Variants in PARP16 observed in about 807,000 individuals in gnomAD.
The protein encoded by PARP16 is poly(ADP-ribose) polymerase family member 16.
In PARP16, 31 loss-of-function variants were observed where a neutral mutation model predicts 35.0. The observed-to-expected ratio is 0.88, with a 90% CI of 0.66 to 1.19. The LOEUF is 1.19. Among genes scored for constraint, PARP16 ranks in the 50% most tolerant of loss-of-function variants. The pLI, the probability that PARP16 is intolerant of heterozygous loss-of-function variation, is 0.00. For missense variants in PARP16, 424 were observed against 411.2 expected, an observed-to-expected ratio of 1.03 and a Z score of -0.27; for synonymous variants, 162 against 169.5, an observed-to-expected ratio of 0.96 and a Z score of 0.34.
chr15:65,239,382 C>A (rs1396601348), intron 3 of PARP16, among the ~76,000 whole-genome samples: 1 of 129,458 alleles, frequency 7.7e-6, no homozygotes, highest in Non-Finnish European at 1.6e-5. Context: ...AGCTGAGATC[C>A]CACCACTGCA....
intron 2 of PARP16, chr15:65,248,348 GCTCA>G (rs1354566018): frequency 8.9e-6 from 4 of 451,008 alleles, no homozygotes; most frequent in Non-Finnish European, 1.8e-5. Context: ...GCTTTCAGAG[GCTCA>G]CTGACATATT....
At position 65,271,130 on chromosome 15, in the gene PARP16, G is replaced by A. The variant is rs868558149; in HGVS notation, c.175-58C>T. Reference sequence around the variant, plus strand: ...ATCCCGGACACAGTGATAATCAGGGGCCCTCTAGTGGGAAGGCAGGCAACG... The same window carrying A: ...ATCCCGGACACAGTGATAATCAGGGACCCTCTAGTGGGAAGGCAGGCAACG... On this transcript the variant is annotated intron_variant, in intron 1 of 5. Transcript: ENST00000649807. 5.7e-6 allele frequency: 9 copies of A among 1,575,324 alleles called. 1 individual carries two copies. In the African/African-American group the frequency reaches 1.1e-4, roughly 19 times the overall value.
rs769656995 is a variant in PARP16 at position 65,286,305 on chromosome 15, C to T, written c.122G>A (p.Arg41Gln). 5 of 1,602,994 alleles carry T rather than the reference C, an allele frequency of 3.1e-6. No homozygotes were observed. Residue 41 changes from arginine to glutamine, a missense_variant, in exon 1 of 6, where the codon CGG becomes CAG. Arg to Gln is a conservative substitution (Grantham distance 43, BLOSUM62 1). Transcript: ENST00000649807. Reference protein sequence around the residue: ...LQSYKRDSVLRPFPASYARGD... With the variant: ...LQSYKRDSVLQPFPASYARGD... ...GCGGGCGTAGGACGCGGGGAAGGGCCGCAGCACCGAGTCGCGCTTGTAGCT... is the reference window on the plus strand; with the variant it reads ...GCGGGCGTAGGACGCGGGGAAGGGCTGCAGCACCGAGTCGCGCTTGTAGCT...
chr15:65,263,117 G>A (rs1165127367), intron 4 of PARP16, 32 bp downstream of exon 4: 2 of 1,602,372 alleles, frequency 1.2e-6, no homozygotes, highest in Admixed American at 1.7e-5. Context: ...ACAGAGGCCT[G>A]TAGCCCAGGT....
chr15:65,286,391 C>G lies in PARP16; in HGVS notation c.36G>C (p.Ala12=). 6.4e-7 allele frequency: 1 copy of G among 1,555,916 alleles called. No individual in the cohort carries two copies. Among genetic ancestry groups the G allele is most frequent in the Non-Finnish European group, 8.7e-7 (1 of 1,154,800 alleles). ...CGGCGGCCAGCATGTCGCGGCCCGCCGCCTCCCTGGCGGCCGCCCAGCCTG... is the reference window on the plus strand; with the variant it reads ...CGGCGGCCAGCATGTCGCGGCCCGCGGCCTCCCTGGCGGCCGCCCAGCCTG... ...QPSGWAAARE[A]AGRDMLAADL... is the part of the protein sequence containing the mutation. Residue 12 remains alanine, a synonymous_variant, in exon 1 of 6, where the codon GCG becomes GCC. Transcript: ENST00000649807.
At chr15:65,252,180 G>A (rs2089380070) in intron 2 of PARP16, among the ~76,000 whole-genome samples, 1 of 152,174 alleles carries the variant, frequency 6.6e-6, no homozygotes, top group South Asian at 2.1e-4. Flanking sequence ...CAGTCAGTCA[G>A]CTTCCCAAGA....
rs775868554 is a variant in PARP16 at position 65,263,328 on chromosome 15, A to G, written c.520-8T>C. 6.4e-7 allele frequency: 1 copy of G among 1,564,514 alleles called. No individual in the cohort carries two copies. Among genetic ancestry groups the G allele is most frequent in the Non-Finnish European group, 8.7e-7 (1 of 1,155,176 alleles). On this transcript the variant is annotated splice_polypyrimidine_tract_variant and splice_region_variant and intron_variant, in intron 3 of 5. Coordinates refer to ENST00000649807, the MANE Select transcript of PARP16 (RefSeq NM_001316943.2). ...CTCTCCGAACAAGGATGTCTGCAACAGCAAGGCCAATGGAAAAGAAACACA... is the reference window on the plus strand; with the variant it reads ...CTCTCCGAACAAGGATGTCTGCAACGGCAAGGCCAATGGAAAAGAAACACA...
downstream of PARP16, among the ~76,000 whole-genome samples, chr15:65,257,813 A>G (rs774299080): frequency 2.6e-5 from 4 of 152,130 alleles, no homozygotes; most frequent in Non-Finnish European, 4.4e-5. Context: ...CACTCTTGAA[A>G]TGTTTGTCCA....
chr15:65,281,777 A>G (rs2090429544), intron 1 of PARP16, among the ~76,000 whole-genome samples: 1 of 151,954 alleles, frequency 6.6e-6, no homozygotes, highest in Admixed American at 6.5e-5. Flanking sequence ...GACTTTGAGG[A>G]CAGTGGTAAG....
At chr15:65,235,660 T>G (rs931967683) in intron 3 of PARP16, among the ~76,000 whole-genome samples, 3 of 136,758 alleles carry the variant, frequency 2.2e-5, no homozygotes, top group African/African-American at 8.2e-5. Flanking sequence ...AAAAAAAAAA[T>G]TAGCCGGGCA....
intron 1 of PARP16, among the ~76,000 whole-genome samples, chr15:65,279,328 T>C (rs1267759610): frequency 2.0e-5 from 3 of 152,182 alleles, no homozygotes; most frequent in Admixed American, 2.0e-4. Flanking sequence ...GTTGCTATAT[T>C]ATTATTATCA....
chr15:65,267,550 T>C (rs981429889), intron 2 of PARP16, among the ~76,000 whole-genome samples: 79 of 150,862 alleles, frequency 5.2e-4, no homozygotes, highest in South Asian at 2.5e-3. Flanking sequence ...GAGCTTGCAG[T>C]GAGCCGAGAT....
At chr15:65,272,257 T>C (rs11071835) in intron 1 of PARP16, among the ~76,000 whole-genome samples, 44,261 of 152,086 alleles carry the variant, frequency 0.29, 6,693 homozygotes, top group Admixed American at 0.34. Flanking sequence ...TAGGCTGATG[T>C]CCCGTGGGAC....
At position 65,280,887 on chromosome 15, in the gene PARP16, G is replaced by A. The variant is rs151158455; in HGVS notation, c.174+5366C>T. On this transcript the variant is annotated intron_variant, in intron 1 of 5. Coordinates refer to ENST00000649807, the MANE Select transcript of PARP16 (RefSeq NM_001316943.2). ...GTTTGGCACCCCAAATGAGAACAGG[G>A]TAAGCTTCATGCAGTGCTTTTCAGA... Among the ~76,000 whole-genome samples, 581 of 152,298 alleles carry A rather than the reference G, an allele frequency of 3.8e-3. 3 individuals carry two copies. The highest frequency in any genetic ancestry group is 6.6e-3 in the Non-Finnish European group (451 of 68,020).
rs920358969 is a variant in PARP16 at position 65,286,594 on chromosome 15, G to A, written c.-168C>T. The A allele has an allele frequency of 1.6e-5, 8 of 498,194 alleles. No homozygotes were observed. In the East Asian group the frequency reaches 2.8e-4, roughly 17 times the overall value. 30.9% of individuals were successfully genotyped at this position (498,194 alleles called of 1,614,324 possible). A position where few individuals can be genotyped will look rare whatever the true frequency, so the allele number is the denominator to read the frequency against. ...GAGATGACAGGGGTGAGAACGTGCC[G>A]ACAAGTGTCCTCTGCCGGGGTCTGG... On this transcript the variant is annotated 5_prime_UTR_variant, in exon 1 of 6. Coordinates refer to ENST00000649807, the MANE Select transcript of PARP16 (RefSeq NM_001316943.2).
chr15:65,272,357 G>C (rs1463802786), intron 1 of PARP16, among the ~76,000 whole-genome samples: 1 of 152,204 alleles, frequency 6.6e-6, no homozygotes, highest in African/African-American at 2.4e-5. Flanking sequence ...CATATTCAGT[G>C]CCAGGATTTC....
intron 5 of PARP16, among the ~76,000 whole-genome samples, chr15:65,259,939 G>A (rs1596010356): frequency 2.0e-5 from 3 of 152,280 alleles, no homozygotes; most frequent in South Asian, 4.1e-4. Flanking sequence ...ATAAATCCAA[G>A]CTGGGGAAAT....
intron 3 of PARP16, among the ~76,000 whole-genome samples, chr15:65,246,784 G>A (rs879646816): frequency 1.2e-4 from 19 of 152,092 alleles, no homozygotes; most frequent in East Asian, 1.9e-4. Context: ...AGAAGGTACC[G>A]AAGAAAGGGC....
intron 1 of PARP16, among the ~76,000 whole-genome samples, chr15:65,275,757 T>A (rs2090234605): frequency 6.6e-6 from 1 of 152,174 alleles, no homozygotes; most frequent in Non-Finnish European, 1.5e-5. Context: ...TGGTGTACCC[T>A]CAGGTAGCTT....
Sources: allele counts gnomAD v4.1 joint callset (sites outside exome capture counted in the v4.1 genomes callset), GRCh38; gene constraint gnomAD v4.1.1; transcripts MANE v1.5; gene names NCBI Gene and HGNC (gene_info 2026-07-23, HGNC 2026-07-21).